PTPRD: variants seen among roughly 807,000 people sequenced by gnomAD.
The protein encoded by PTPRD is receptor-type tyrosine-protein phosphatase delta.
PTPRD carries 34 observed loss-of-function variants against 214.5 expected under a neutral mutation model. That is an observed-to-expected ratio of 0.16 (90% CI 0.12 to 0.21). PTPRD has a LOEUF of 0.21. PTPRD is among the 10% of genes least tolerant of loss of function. The probability of loss-of-function intolerance (pLI) is 1.00; values close to 1 mark genes in which losing one functional copy is unlikely to be tolerated. For missense variants in PTPRD, 2,545 were observed against 2,398.7 expected, an observed-to-expected ratio of 1.06 and a Z score of -1.27; for synonymous variants, 1,128 against 845.7, an observed-to-expected ratio of 1.33 and a Z score of -5.79.
intron 8 of PTPRD, among the ~76,000 whole-genome samples, chr9:9,509,028 C>T (rs1375636314): frequency 5.3e-5 from 8 of 150,932 alleles, no homozygotes; most frequent in Non-Finnish European, 1.2e-4. Flanking sequence ...GGTTGTAAAA[C>T]CTTTCCAAGA....
At chr9:8,850,645 C>G (rs1472356351) in intron 11 of PTPRD, among the ~76,000 whole-genome samples, 3 of 151,956 alleles carry the variant, frequency 2.0e-5, no homozygotes, top group Non-Finnish European at 1.5e-5. Context: ...TCTAGCTAGC[C>G]AAATAATCTT....
At chr9:9,186,631 C>CCTCT (rs141616035) in intron 9 of PTPRD, among the ~76,000 whole-genome samples, 99 of 141,058 alleles carry the variant, frequency 7.0e-4, no homozygotes, top group African/African-American at 1.5e-3. Flanking sequence ...TCTGTCTCTC[C>CCTCT]CTCTCTCTCT....
intron 3 of PTPRD, among the ~76,000 whole-genome samples, chr9:10,213,197 C>G (rs1262385564): frequency 1.3e-5 from 2 of 151,986 alleles, no homozygotes; most frequent in East Asian, 1.9e-4. Context: ...TTTAACAATA[C>G]AGATTTGTTT....
intron 3 of PTPRD, among the ~76,000 whole-genome samples, chr9:10,161,583 C>T (rs150687947): frequency 2.0e-4 from 31 of 151,842 alleles, no homozygotes; most frequent in African/African-American, 6.5e-4. Flanking sequence ...AGACTTGAAA[C>T]CCTGAAACTA....
intron 3 of PTPRD, among the ~76,000 whole-genome samples, chr9:10,097,448 C>G (rs888080391): frequency 2.0e-5 from 3 of 150,914 alleles, no homozygotes; most frequent in Non-Finnish European, 2.9e-5. Context: ...TGAAGAGGTC[C>G]TTCACATCCC....
At chr9:9,555,340 T>C (rs2154287478) in intron 8 of PTPRD, among the ~76,000 whole-genome samples, 1 of 152,182 alleles carries the variant, frequency 6.6e-6, no homozygotes, top group East Asian at 1.9e-4. Context: ...CAGTCACCTG[T>C]TGAGCAACAT....
At chr9:8,987,662 T>C (rs2099351023) in intron 11 of PTPRD, among the ~76,000 whole-genome samples, 1 of 152,084 alleles carries the variant, frequency 6.6e-6, no homozygotes, top group African/African-American at 2.4e-5. Flanking sequence ...TTTGGGGTGA[T>C]ATATACAATA....
chr9:9,080,899 C>A (rs561828342), intron 10 of PTPRD, among the ~76,000 whole-genome samples: 1 of 151,752 alleles, frequency 6.6e-6, no homozygotes, highest in Admixed American at 6.6e-5. Context: ...TTCTTCTTTA[C>A]TCATCTGGCT....
chr9:8,888,137 C>A (rs147137280), intron 11 of PTPRD, among the ~76,000 whole-genome samples: 1 of 152,130 alleles, frequency 6.6e-6, no homozygotes, highest in Admixed American at 6.6e-5. Context: ...GTGCTCATCA[C>A]TCCATGACAT....
Position 8,500,583 on chromosome 9 carries a change from A to AAAAAAAAAAAG in PTPRD, c.2128+170_2128+171insCTTTTTTTTTT, listed in dbSNP as rs1563868169. 3.4e-5 allele frequency among the ~76,000 whole-genome samples: 5 copies of AAAAAAAAAAAG among 146,320 alleles called. 1 individual carries two copies. Among genetic ancestry groups the AAAAAAAAAAAG allele is most frequent in the African/African-American group, 1.0e-4 (4 of 39,284 alleles). ...GAAAAAAAAAAAAAAAAAAAAAAAA[A>AAAAAAAAAAAG]AAAAAAAGGCCAGGCTGTAGCAAAG... On this transcript the variant is annotated intron_variant, in intron 24 of 45. Transcript: ENST00000381196.
chr9:10,500,691 A>AC (rs1180843061), intron 2 of PTPRD, among the ~76,000 whole-genome samples: 12 of 151,220 alleles, frequency 7.9e-5, no homozygotes, highest in Admixed American at 7.9e-4. Flanking sequence ...CTTCCCCCCA[A>AC]CCCCTCCCCA....
intron 2 of PTPRD, among the ~76,000 whole-genome samples, chr9:10,405,644 T>A (rs1428783656): frequency 6.6e-6 from 1 of 151,620 alleles, no homozygotes; most frequent in East Asian, 1.9e-4. Flanking sequence ...AAGAAGTGTA[T>A]GTACAGAAAT....
intron 4 of PTPRD, among the ~76,000 whole-genome samples, chr9:9,997,699 G>GT (rs1416885968): frequency 2.0e-5 from 3 of 152,038 alleles, no homozygotes; most frequent in Non-Finnish European, 2.9e-5. Context: ...CTCCTGAAAC[G>GT]TTTTTTTCTA....
intron 34 of PTPRD, among the ~76,000 whole-genome samples, chr9:8,437,981 C>A (rs1471174602): frequency 6.6e-6 from 1 of 152,058 alleles, no homozygotes; most frequent in East Asian, 1.9e-4. Flanking sequence ...TCTTATCTTA[C>A]AGATATAAAT....
intron 12 of PTPRD, among the ~76,000 whole-genome samples, chr9:8,686,639 G>A (rs770613564): frequency 6.6e-6 from 1 of 152,136 alleles, no homozygotes; most frequent in Non-Finnish European, 1.5e-5. Context: ...GGCAAAGCTA[G>A]GATCGGAACC....
intron 10 of PTPRD, among the ~76,000 whole-genome samples, chr9:9,060,979 T>C (rs1320709052): frequency 6.6e-6 from 1 of 152,162 alleles, no homozygotes; most frequent in Non-Finnish European, 1.5e-5. Context: ...ATCAGAATGC[T>C]TAATAAAGCC....
chr9:9,393,787 A>G (rs151318066), intron 9 of PTPRD, among the ~76,000 whole-genome samples: 250 of 152,288 alleles, frequency 1.6e-3, no homozygotes, highest in Middle Eastern at 3.4e-3. Flanking sequence ...TGGATTAAAT[A>G]CTGAATATAA....
At chr9:9,166,408 T>C (rs369959532) in intron 10 of PTPRD, among the ~76,000 whole-genome samples, 5 of 152,166 alleles carry the variant, frequency 3.3e-5, no homozygotes, top group African/African-American at 1.2e-4. Context: ...TCTAGGCTCC[T>C]AGCATTTGGC....
chr9:9,737,525 C>T (rs928107737), intron 6 of PTPRD, among the ~76,000 whole-genome samples: 8 of 152,082 alleles, frequency 5.3e-5, no homozygotes, highest in Non-Finnish European at 1.0e-4. Context: ...ATCTTCTTCC[C>T]CTGATAACTC....
Sources: allele counts gnomAD v4.1 joint callset (sites outside exome capture counted in the v4.1 genomes callset), GRCh38; gene constraint gnomAD v4.1.1; transcripts MANE v1.5; gene names NCBI Gene and HGNC (gene_info 2026-07-23, HGNC 2026-07-21).